The following TXNRD3 variants were observed in gnomAD, a reference collection of about 807,000 sequenced individuals.
TXNRD3 encodes TXNRD3 neighbor gene protein.
TXNRD3 carries 68 observed loss-of-function variants against 78.2 expected under a neutral mutation model. That is an observed-to-expected ratio of 0.87 (90% CI 0.72 to 1.06). TXNRD3 has a LOEUF of 1.06. Ranked by LOEUF, TXNRD3 falls within the 50% of genes least tolerant of loss-of-function variation. The probability of loss-of-function intolerance (pLI) is 0.00; values close to 1 mark genes in which losing one functional copy is unlikely to be tolerated. For missense variants in TXNRD3, 751 were observed against 809.5 expected (o/e 0.93, Z 0.88); for synonymous variants, 296 against 300.1 (o/e 0.99, Z 0.14).
chr3:126,624,561 C>G (rs955927463), intron 10 of TXNRD3, among the ~76,000 whole-genome samples: 3 of 152,088 alleles, frequency 2.0e-5, no homozygotes, highest in Non-Finnish European at 2.9e-5. Flanking sequence ...GCTGGAACTA[C>G]AGGCGCCCGC....
intron 2 of TXNRD3, 56 bp downstream of exon 2, chr3:126,647,180 G>T: frequency 7.6e-7 from 1 of 1,317,658 alleles, no homozygotes; most frequent in Non-Finnish European, 1.0e-6. Flanking sequence ...ATGGAAAGAA[G>T]TCAATCTCGC....
chr3:126,649,194 G>T (rs777239), intron 1 of TXNRD3, among the ~76,000 whole-genome samples: 150,706 of 152,350 alleles, frequency 0.99, 74,558 homozygotes, highest in East Asian at 1. Context: ...CTTGAATATA[G>T]ATTTCTTCAA....
At position 126,628,403 on chromosome 3, in the gene TXNRD3, C is replaced by T. The variant is rs543725971; in HGVS notation, c.1290+976G>A. ...GGAAGAAACAAACTGTTATTATTCA[C>T]AAATAAATAAATGTGTACACAGGAA... On this transcript the variant is annotated intron_variant, in intron 10 of 15. Transcript: ENST00000524230. Among the ~76,000 whole-genome samples the T allele has an allele frequency of 5.3e-5, 8 of 152,018 alleles. No homozygotes were observed. In the South Asian group the frequency reaches 1.7e-3, roughly 32 times the overall value.
intron 6 of TXNRD3, 30 bp from the exon 7 acceptor site, chr3:126,634,081 T>C: frequency 1.4e-6 from 2 of 1,449,788 alleles, no homozygotes; most frequent in Non-Finnish European, 1.8e-6. Flanking sequence ...GTGAAGATGT[T>C]AGGTGAATTT....
At chr3:126,614,044 GTAGGCC>G (rs1483415881) in intron 13 of TXNRD3, among the ~76,000 whole-genome samples, 2 of 152,160 alleles carry the variant, frequency 1.3e-5, no homozygotes, top group African/African-American at 2.4e-5. Flanking sequence ...TTGACCCTGC[GTAGGCC>G]TAGGCTAATG....
chr3:126,636,670 G>T (rs1192364016), intron 6 of TXNRD3, among the ~76,000 whole-genome samples: 1 of 152,162 alleles, frequency 6.6e-6, no homozygotes, highest in Non-Finnish European at 1.5e-5. Flanking sequence ...CACTACCAGA[G>T]AGGATTTGCC....
At chr3:126,620,070 C>T (rs1301321886) in intron 12 of TXNRD3, among the ~76,000 whole-genome samples, 2 of 151,960 alleles carry the variant, frequency 1.3e-5, no homozygotes, top group African/African-American at 4.8e-5. Flanking sequence ...CTGAGGCAGG[C>T]GGATCACGAG....
intron 7 of TXNRD3, 133 bp from the exon 8 acceptor site, chr3:126,632,012 A>G (rs1938726767): frequency 7.9e-6 from 5 of 635,654 alleles, no homozygotes; most frequent in Non-Finnish European, 2.8e-6. Context: ...TAATAATGCA[A>G]TGTGATAAGC....
rs987727374 is a variant in TXNRD3 at position 126,644,553 on chromosome 3, G to T, written c.415-152C>A. ...TAAGTTGGAGTTGTAAATTTATCTG[G>T]ATGCTATTTAAAAACAGGGTCCAAC... On this transcript the variant is annotated intron_variant, in intron 3 of 15. Coordinates refer to ENST00000524230, the MANE Select transcript of TXNRD3 (RefSeq NM_052883.3). 1.8e-4 allele frequency among the ~76,000 whole-genome samples: 28 copies of T among 152,096 alleles called. 1 individual carries two copies. Among genetic ancestry groups the T allele is most frequent in the Admixed American group, 1.8e-3 (28 of 15,266 alleles).
At chr3:126,650,966 C>A in intron 1 of TXNRD3, among the ~76,000 whole-genome samples, 1 of 152,148 alleles carries the variant, frequency 6.6e-6, no homozygotes, top group East Asian at 1.9e-4. Flanking sequence ...CTCAATTAGA[C>A]TATGAGCGTA....
chr3:126,654,570 G>T (rs1266918136), intron 1 of TXNRD3, among the ~76,000 whole-genome samples, 178 bp downstream of exon 1: 1 of 152,128 alleles, frequency 6.6e-6, no homozygotes, highest in Non-Finnish European at 1.5e-5. Context: ...TTTCTGTTTT[G>T]ATAAACTATC....
intron 12 of TXNRD3, among the ~76,000 whole-genome samples, chr3:126,620,457 G>C (rs1473415257): frequency 2.0e-5 from 3 of 152,140 alleles, no homozygotes; most frequent in African/African-American, 4.8e-5. Flanking sequence ...GAAGTAGTTA[G>C]AGAAAAATGT....
chr3:126,618,881 A>AG (rs1938378777), intron 12 of TXNRD3, among the ~76,000 whole-genome samples: 1 of 151,622 alleles, frequency 6.6e-6, no homozygotes, highest in African/African-American at 2.4e-5. Context: ...AAAAAAAAAA[A>AG]AAGAATTTGA....
chr3:126,640,985 C>A (rs574268345), intron 6 of TXNRD3, among the ~76,000 whole-genome samples: 7 of 152,216 alleles, frequency 4.6e-5, no homozygotes, highest in Admixed American at 3.9e-4. Context: ...CACAAACTTG[C>A]CCAAAGGCCA....
chr3:126,646,853 T>C (rs1933246240), intron 2 of TXNRD3, among the ~76,000 whole-genome samples: 1 of 152,210 alleles, frequency 6.6e-6, no homozygotes, highest in South Asian at 2.1e-4. Flanking sequence ...AATTCAAAAG[T>C]ATAAAGCTAA....
At chr3:126,609,235 C>T (rs1319573323) in intron 14 of TXNRD3, 1 of 379,812 alleles carries the variant, frequency 2.6e-6, no homozygotes, top group South Asian at 1.9e-5. Flanking sequence ...TTATCCTTCA[C>T]TGTGATCTTC....
At chr3:126,648,113 T>A (rs114582694) in intron 1 of TXNRD3, among the ~76,000 whole-genome samples, 2 of 152,080 alleles carry the variant, frequency 1.3e-5, no homozygotes, top group Admixed American at 6.5e-5. Flanking sequence ...AGAAAAAAAA[T>A]TTCATTTATA....
At chr3:126,610,115 T>G (rs1938162088) in intron 14 of TXNRD3, among the ~76,000 whole-genome samples, 1 of 152,132 alleles carries the variant, frequency 6.6e-6, no homozygotes, top group Admixed American at 6.6e-5. Context: ...GCCCTAGAGC[T>G]CTGGATGACT....
chr3:126,624,521 C>T (rs887110589), intron 10 of TXNRD3, among the ~76,000 whole-genome samples: 3 of 151,640 alleles, frequency 2.0e-5, no homozygotes, highest in East Asian at 1.9e-4. Context: ...CCCGGGTTCA[C>T]GCCATTCTCC....
Sources: allele counts gnomAD v4.1 joint callset (sites outside exome capture counted in the v4.1 genomes callset), GRCh38; gene constraint gnomAD v4.1.1; transcripts MANE v1.5; gene names NCBI Gene and HGNC (gene_info 2026-07-23, HGNC 2026-07-21).